Variants in CNTN4 observed in about 807,000 individuals in gnomAD.
The protein encoded by CNTN4 is contactin 4.
A neutral mutation model predicts 122.5 loss-of-function variants in CNTN4; 77 were observed. The observed-to-expected ratio is 0.63, with a 90% CI of 0.52 to 0.76. The LOEUF is 0.76. Among genes scored for constraint, CNTN4 ranks in the 30% least tolerant of loss-of-function variants. The pLI, the probability that CNTN4 is intolerant of heterozygous loss-of-function variation, is 0.00. For synonymous variants in CNTN4, 512 were observed against 447.0 expected (o/e 1.15, Z -1.83); for missense variants, 1,256 against 1,259.1 (o/e 1.00, Z 0.04).
At chr3:2,980,400 T>G (rs1018870606) in intron 13 of CNTN4, among the ~76,000 whole-genome samples, 2 of 128,868 alleles carry the variant, frequency 1.6e-5, no homozygotes, top group African/African-American at 8.5e-5. Flanking sequence ...AAGAACAGAT[T>G]TACATTTTCA....
chr3:2,635,209 G>GA (rs759856092), intron 4 of CNTN4, among the ~76,000 whole-genome samples: 47 of 152,008 alleles, frequency 3.1e-4, no homozygotes, highest in Non-Finnish European at 5.0e-4. Flanking sequence ...ATATCTCCTT[G>GA]AAAAATAGCC....
intron 13 of CNTN4, among the ~76,000 whole-genome samples, chr3:2,977,471 C>G (rs190925242): frequency 6.6e-6 from 1 of 152,056 alleles, no homozygotes; most frequent in East Asian, 1.9e-4. Context: ...TACCCATTAC[C>G]ACCCCCAAAC....
rs534368252 is a variant in CNTN4 at position 2,895,523 on chromosome 3, T to G, written c.941-5162T>G. ...TGGTTTTTATATCTGAACTTGAGTT[T>G]ATCCTTGCTATCCGTGCTATCTGTA... On this transcript the variant is annotated intron_variant, in intron 10 of 24. Transcript: ENST00000418658. Among the ~76,000 whole-genome samples the G allele has an allele frequency of 6.4e-4, 98 of 152,332 alleles. 1 individual carries two copies. Among genetic ancestry groups the G allele is most frequent in the Admixed American group, 2.1e-3 (32 of 15,304 alleles).
At chr3:2,120,369 AT>A (rs1209200864) in intron 2 of CNTN4, among the ~76,000 whole-genome samples, 3 of 48,100 alleles carry the variant, frequency 6.2e-5, no homozygotes, top group Non-Finnish European at 9.3e-5. Flanking sequence ...ATATATATAT[AT>A]ATAAATATAT....
chr3:2,353,501 G>A (rs1001971650), intron 3 of CNTN4, among the ~76,000 whole-genome samples: 1 of 152,080 alleles, frequency 6.6e-6, no homozygotes, highest in African/African-American at 2.4e-5. Flanking sequence ...GCCCTTAAGA[G>A]CTATGTCCTT....
At chr3:3,047,268 C>G (rs1316324123) in intron 23 of CNTN4, among the ~76,000 whole-genome samples, 1 of 152,032 alleles carries the variant, frequency 6.6e-6, no homozygotes, top group South Asian at 2.1e-4. Context: ...AGCTCTGCAC[C>G]AAGCAGACCT....
rs2087003186 is a variant in CNTN4 at position 2,709,752 on chromosome 3, A to G, written c.56-26463A>G. Among the ~76,000 whole-genome samples, 1 of 151,976 alleles carries G rather than the reference A, an allele frequency of 6.6e-6. No individual in the cohort carries two copies. The highest frequency in any genetic ancestry group is 2.1e-4 in the South Asian group (1 of 4,810). On this transcript the variant is annotated intron_variant, in intron 4 of 24. Transcript: ENST00000418658. This position sits in a 1 kb window ranked among gnomAD's most constrained non-coding sequence, Gnocchi z 5.0. ...AACATGGTGAAACCCTCTCTCTACT[A>G]AAAATACAAAAATTAGCCAGGCGTG...
At chr3:2,540,728 G>A (rs1207403031) in intron 3 of CNTN4, among the ~76,000 whole-genome samples, 3 of 152,048 alleles carry the variant, frequency 2.0e-5, no homozygotes, top group Admixed American at 6.6e-5. Context: ...ACAAGGAAAA[G>A]TACAATTTTT....
chr3:2,198,170 C>A (rs2037935296), intron 2 of CNTN4, among the ~76,000 whole-genome samples: 1 of 152,140 alleles, frequency 6.6e-6, no homozygotes, highest in Non-Finnish European at 1.5e-5. Flanking sequence ...TACTGTCATA[C>A]AAGGAGTAAA....
At chr3:2,302,634 T>G (rs906602178) in intron 2 of CNTN4, among the ~76,000 whole-genome samples, 3 of 152,210 alleles carry the variant, frequency 2.0e-5, no homozygotes, top group African/African-American at 7.2e-5. Context: ...TAGTAATAAT[T>G]AACTTCTACC....
chr3:2,458,898 A>G (rs1356218882), intron 3 of CNTN4, among the ~76,000 whole-genome samples: 1 of 152,160 alleles, frequency 6.6e-6, no homozygotes, highest in East Asian at 1.9e-4. Context: ...TTAGTGACTT[A>G]TGCAATATTG....
At chr3:2,233,976 C>T (rs899839450) in intron 2 of CNTN4, among the ~76,000 whole-genome samples, 7 of 152,180 alleles carry the variant, frequency 4.6e-5, no homozygotes, top group African/African-American at 1.7e-4. Flanking sequence ...ATTGGTAATG[C>T]TTCTTCACGA....
intron 3 of CNTN4, among the ~76,000 whole-genome samples, chr3:2,407,284 G>C (rs79721809): frequency 2.6e-5 from 4 of 152,090 alleles, no homozygotes. Context: ...GGAAAAAATT[G>C]AGATTAATCA....
At chr3:2,459,853 G>A (rs1156274341) in intron 3 of CNTN4, among the ~76,000 whole-genome samples, 1 of 152,138 alleles carries the variant, frequency 6.6e-6, no homozygotes, top group Non-Finnish European at 1.5e-5. Flanking sequence ...CCATTTCTGA[G>A]CCAAGCATAG....
At chr3:2,628,423 G>A (rs2082292256) in intron 4 of CNTN4, among the ~76,000 whole-genome samples, 1 of 152,200 alleles carries the variant, frequency 6.6e-6, no homozygotes, top group Non-Finnish European at 1.5e-5. Context: ...CCACAGTGCT[G>A]TGACCTTGGG....
intron 4 of CNTN4, among the ~76,000 whole-genome samples, chr3:2,612,205 A>T (rs1486660380): frequency 6.6e-6 from 1 of 152,148 alleles, no homozygotes; most frequent in East Asian, 1.9e-4. Flanking sequence ...ATAAGTTAAA[A>T]ATATAGTAAG....
intron 2 of CNTN4, among the ~76,000 whole-genome samples, chr3:2,147,293 T>A (rs1353554583): frequency 6.6e-6 from 1 of 152,140 alleles, no homozygotes; most frequent in African/African-American, 2.4e-5. Context: ...TCCAGCCCTT[T>A]AGTTTGGATT....
At chr3:2,314,363 A>G (rs889254373) in intron 2 of CNTN4, among the ~76,000 whole-genome samples, 3 of 152,022 alleles carry the variant, frequency 2.0e-5, no homozygotes, top group African/African-American at 7.2e-5. Context: ...AAATTTTTTA[A>G]TGAAATGTTT....
At chr3:2,547,479 T>A (rs1236565296) in intron 3 of CNTN4, among the ~76,000 whole-genome samples, 1 of 152,094 alleles carries the variant, frequency 6.6e-6, no homozygotes, top group Admixed American at 6.6e-5. Context: ...TTGGCCAGTC[T>A]GGTCTCAAAC....
Sources: allele counts gnomAD v4.1 joint callset (sites outside exome capture counted in the v4.1 genomes callset), GRCh38; gene constraint gnomAD v4.1.1; non-coding constraint Gnocchi (gnomAD v3.1); transcripts MANE v1.5; gene names NCBI Gene and HGNC (gene_info 2026-07-23, HGNC 2026-07-21).